Variants in LNX1 observed in about 807,000 individuals in gnomAD.
LNX1 encodes the protein E3 ubiquitin-protein ligase LNX.
In LNX1, 54 loss-of-function variants were observed where a neutral mutation model predicts 68.4. The ratio of observed to expected loss-of-function variants is 0.79; its 90% CI spans 0.63 to 0.99. The LOEUF is 0.99. Ranked by LOEUF, LNX1 falls within the 50% of genes least tolerant of loss-of-function variation. LNX1 has a pLI of 0.00. For synonymous variants in LNX1, 336 were observed against 350.0 expected, an observed-to-expected ratio of 0.96 and a Z score of 0.45; for missense variants, 906 against 926.4, an observed-to-expected ratio of 0.98 and a Z score of 0.29.
At chr4:53,480,434 G>C (rs905148154) in intron 7 of LNX1, among the ~76,000 whole-genome samples, 28 of 152,074 alleles carry the variant, frequency 1.8e-4, no homozygotes, top group African/African-American at 5.6e-4. Flanking sequence ...AGAATATGAC[G>C]TATTCTAGTT....
chr4:53,564,209 G>A (rs1195002970), intron 2 of LNX1, among the ~76,000 whole-genome samples: 3 of 152,164 alleles, frequency 2.0e-5, no homozygotes, highest in Non-Finnish European at 4.4e-5. Flanking sequence ...GGTGTGTGGG[G>A]GTCACACGGG....
intron 1 of LNX1, among the ~76,000 whole-genome samples, chr4:53,631,752 A>G (rs1734282148): frequency 1.3e-5 from 2 of 152,104 alleles, no homozygotes; most frequent in African/African-American, 4.8e-5. Context: ...GTGACTGAGG[A>G]AGGCTTGTTT....
intron 2 of LNX1, among the ~76,000 whole-genome samples, chr4:53,516,880 A>G (rs1579453151): frequency 6.6e-6 from 1 of 152,290 alleles, no homozygotes; most frequent in East Asian, 1.9e-4. Flanking sequence ...AGGTTTCAGA[A>G]GGAATGAAGT....
intron 2 of LNX1, among the ~76,000 whole-genome samples, chr4:53,548,301 C>A (rs1729248326): frequency 6.6e-6 from 1 of 152,114 alleles, no homozygotes. Context: ...GTTGTTTTAC[C>A]AATGAGCCCT....
intron 1 of LNX1, chr4:53,576,427 AG>A: frequency 6.9e-7 from 1 of 1,457,028 alleles, no homozygotes; most frequent in African/African-American, 1.4e-5. Context: ...AGGCTTGGAC[AG>A]GCACCTCAGA....
At chr4:53,588,846 C>T (rs1166740732) in intron 1 of LNX1, among the ~76,000 whole-genome samples, 2 of 152,118 alleles carry the variant, frequency 1.3e-5, no homozygotes, top group African/African-American at 2.4e-5. Flanking sequence ...GGGCGAGACC[C>T]AGAGAAGTGA....
rs1418471264 is a variant in LNX1, at chr4:53,492,492, G to T, written c.1350+3531C>A. 3.7e-5 allele frequency among the ~76,000 whole-genome samples: 3 copies of T among 80,634 alleles called. No homozygotes were observed. The East Asian group carries it at 1.1e-3, about 29-fold the overall frequency. 52.9% of individuals were successfully genotyped at this position (80,634 alleles called of 152,430 possible). Reference sequence around the variant, plus strand: ...AACTTTAACCTAAGTGTCTCAGGAGGCCTCAGAGGGCTCTGAGAGAGAGAG... The same window carrying T: ...AACTTTAACCTAAGTGTCTCAGGAGTCCTCAGAGGGCTCTGAGAGAGAGAG... On this transcript the variant is annotated intron_variant, in intron 6 of 10. Coordinates refer to ENST00000263925, the MANE Select transcript of LNX1 (RefSeq NM_001126328.3).
At position 53,485,301 on chromosome 4, in the gene LNX1, A is replaced by T. The variant is rs182127484; in HGVS notation, c.1351-3447T>A. 1.5e-3 allele frequency among the ~76,000 whole-genome samples: 228 copies of T among 152,318 alleles called. 2 individuals are homozygous for T. Among genetic ancestry groups the T allele is most frequent in the Middle Eastern group, 6.8e-3 (2 of 294 alleles). On this transcript the variant is annotated intron_variant, in intron 6 of 10. Coordinates refer to ENST00000263925, the MANE Select transcript of LNX1 (RefSeq NM_001126328.3). ...TGAAGGATCCCAGCAGAGTGTCCAT[A>T]GGCTTGCAAATTGTATCATGTTCAT...
intron 2 of LNX1, among the ~76,000 whole-genome samples, chr4:53,570,894 G>T (rs560782174): frequency 3.0e-4 from 46 of 151,978 alleles, no homozygotes; most frequent in African/African-American, 9.4e-4. Flanking sequence ...GTGCGTGGTG[G>T]TGGGCACCTG....
In LNX1 at chr4:53,573,625, G is replaced by T. The variant is rs763822583; in HGVS notation, c.378C>A (p.Thr126=). ...QRCDLEHHFQ[T]SCKGASHYGL... ...CGGCTCGCTGATGGGGGACCTACCT[G>T]GTTTGAAAGTGATGCTCGAGGTCAC... Residue 126 remains threonine, a splice_region_variant and synonymous_variant, in exon 2 of 11, where the codon ACC becomes ACA. Coordinates refer to ENST00000263925, the MANE Select transcript of LNX1 (RefSeq NM_001126328.3). 3.9e-5 allele frequency: 63 copies of T among 1,598,996 alleles called. No homozygotes were observed. The African/African-American group carries it at 7.8e-4, about 20-fold the overall frequency.
chr4:53,652,264 A>T (rs1437435389), exon 1 of LNX1: 2 of 151,978 alleles, frequency 1.3e-5, no homozygotes, highest in African/African-American at 4.8e-5. Flanking sequence ...AGCTCGGAAA[A>T]TTTTTCTTTC....
intron 6 of LNX1, among the ~76,000 whole-genome samples, chr4:53,489,509 C>G (rs1389525735): frequency 6.6e-6 from 1 of 152,122 alleles, no homozygotes; most frequent in Non-Finnish European, 1.5e-5. Flanking sequence ...ATCCTTGCCT[C>G]AGACACCATT....
At chr4:53,642,569 T>A (rs1183397655) in intron 1 of LNX1, among the ~76,000 whole-genome samples, 1 of 152,188 alleles carries the variant, frequency 6.6e-6, no homozygotes, top group East Asian at 1.9e-4. Flanking sequence ...ATTCTTTATA[T>A]GCTTGGGGTC....
At chr4:53,502,646 C>T (rs1248228361) in intron 4 of LNX1, among the ~76,000 whole-genome samples, 4 of 152,132 alleles carry the variant, frequency 2.6e-5, no homozygotes, top group Non-Finnish European at 5.9e-5. Context: ...AACTGACTCT[C>T]GTGAAAGATT....
upstream of LNX1, among the ~76,000 whole-genome samples, chr4:53,621,188 C>T (rs533429707): frequency 1.3e-5 from 2 of 152,226 alleles, no homozygotes; most frequent in Middle Eastern, 3.4e-3. Context: ...CCCCAGGTGA[C>T]TTGTATGCAT....
chr4:53,651,336 A>G (rs1735089623), intron 1 of LNX1, among the ~76,000 whole-genome samples: 1 of 152,186 alleles, frequency 6.6e-6, no homozygotes, highest in Admixed American at 6.5e-5. Context: ...TGGGCACCGG[A>G]CTTGCACCAC....
At chr4:53,560,128 G>A (rs1453846102) in intron 2 of LNX1, among the ~76,000 whole-genome samples, 1 of 152,194 alleles carries the variant, frequency 6.6e-6, no homozygotes, top group African/African-American at 2.4e-5. Context: ...ACAAAGTCCT[G>A]AAACATGCTC....
intron 2 of LNX1, among the ~76,000 whole-genome samples, chr4:53,601,095 GA>G (rs1390760633): frequency 2.3e-4 from 29 of 127,726 alleles, no homozygotes; most frequent in African/African-American, 7.3e-4. Context: ...GAAAGAAAGG[GA>G]GGGAGGGAGG....
chr4:53,567,640 A>G (rs1212555702), intron 2 of LNX1, among the ~76,000 whole-genome samples: 1 of 152,148 alleles, frequency 6.6e-6, no homozygotes. Context: ...AGAAATAACT[A>G]AAATCAGAGC....
Sources: gnomAD v4.1 joint callset for allele counts (sites outside exome capture counted in the v4.1 genomes callset) on GRCh38, gnomAD v4.1.1 for gene constraint, MANE v1.5 for transcripts, NCBI Gene and HGNC (gene_info 2026-07-23, HGNC 2026-07-21) for gene names.